Variants in TDRD3 observed in about 807,000 individuals in gnomAD.
TDRD3 encodes tudor domain containing 3, also known as tudor domain-containing protein 3.
In TDRD3, 45 loss-of-function variants were observed where a neutral mutation model predicts 86.7. That is an observed-to-expected ratio of 0.52 (90% CI 0.41 to 0.67). The LOEUF (loss-of-function observed/expected upper bound fraction) is 0.67. TDRD3 is among the 30% of genes least tolerant of loss of function. TDRD3 has a pLI of 0.00. For missense variants in TDRD3, 814 were observed against 889.0 expected, an observed-to-expected ratio of 0.92 and a Z score of 1.07; for synonymous variants, 298 against 301.7, an observed-to-expected ratio of 0.99 and a Z score of 0.13.
intron 12 of TDRD3, chr13:60,547,443 A>G (rs1957961891): frequency 1.0e-6 from 1 of 984,112 alleles, no homozygotes; most frequent in African/African-American, 1.7e-5. Context: ...GAGTCAGAAG[A>G]CCTGGGTTCG....
Position 60,452,092 on chromosome 13 carries a change from A to G in TDRD3, c.192+7344A>G, listed in dbSNP as rs960969037. ...TGATTGTAAGCTATGTTATAAAATC[A>G]CTGAACCGGGAATTAGGAAGAAATG... is the stretch of plus-strand genomic sequence containing the variant. On this transcript the variant is annotated intron_variant, in intron 3 of 13. Coordinates refer to ENST00000377881, the MANE Select transcript of TDRD3 (RefSeq NM_001146070.2). Among the ~76,000 whole-genome samples, 4 of 152,164 alleles carry G rather than the reference A, an allele frequency of 2.6e-5. No individual in the cohort carries two copies. The East Asian group carries it at 7.7e-4, about 29-fold the overall frequency.
chr13:60,449,501 C>T (rs1955485569), intron 3 of TDRD3, among the ~76,000 whole-genome samples: 1 of 152,060 alleles, frequency 6.6e-6, no homozygotes, highest in East Asian at 1.9e-4. Flanking sequence ...TCAAATGATA[C>T]ACTGGGAAAA....
At chr13:60,562,651 T>C (rs1958361625) in intron 12 of TDRD3, among the ~76,000 whole-genome samples, 1 of 152,188 alleles carries the variant, frequency 6.6e-6, no homozygotes, top group Admixed American at 6.5e-5. Context: ...GTTCAAAATA[T>C]CCTCAATTTC....
At position 60,397,232 on chromosome 13, in the gene TDRD3, C is replaced by T; in HGVS notation, c.-133C>T. ...AAGCGCCGGCCGCACTGAGCATGCC[C>T]AGTTGCAGAGCCGACCAGAGGAGTT... is the stretch of plus-strand genomic sequence containing the variant. On this transcript the variant is annotated 5_prime_UTR_variant, in exon 1 of 14. Coordinates refer to ENST00000377881, the MANE Select transcript of TDRD3 (RefSeq NM_001146070.2). The T allele has an allele frequency of 2.0e-6, 1 of 488,870 alleles. No individual in the cohort carries two copies. The highest frequency in any genetic ancestry group is 4.8e-5 in the South Asian group (1 of 20,808). The allele number at this position is 488,870 out of a possible 1,614,324, so 30.3% of individuals were successfully genotyped here. A position where few individuals can be genotyped will look rare whatever the true frequency, so the allele number is the denominator to read the frequency against.
intron 13 of TDRD3, among the ~76,000 whole-genome samples, chr13:60,568,697 T>G (rs1366389165): frequency 6.6e-6 from 1 of 152,184 alleles, no homozygotes; most frequent in Non-Finnish European, 1.5e-5. Context: ...GATGTCCATT[T>G]TTACCACTTG....
At chr13:60,547,379 C>T in intron 12 of TDRD3, 8 of 985,360 alleles carry the variant, frequency 8.1e-6, no homozygotes, top group Non-Finnish European at 9.6e-6. Context: ...AAATTACTTC[C>T]ACCTCCCTTT....
At chr13:60,415,247 A>T (rs1281397558) in intron 1 of TDRD3, among the ~76,000 whole-genome samples, 1 of 152,046 alleles carries the variant, frequency 6.6e-6, no homozygotes, top group African/African-American at 2.4e-5. Flanking sequence ...TTTCCTTTTT[A>T]GATTTGTGTT....
intron 12 of TDRD3, among the ~76,000 whole-genome samples, chr13:60,543,054 A>G (rs1368711883): frequency 6.6e-6 from 1 of 152,208 alleles, no homozygotes; most frequent in Admixed American, 6.5e-5. Flanking sequence ...ACCACTGGCA[A>G]GAGTTTTACA....
intron 10 of TDRD3, among the ~76,000 whole-genome samples, chr13:60,518,532 G>T (rs889509693): frequency 6.6e-6 from 1 of 152,018 alleles, no homozygotes; most frequent in African/African-American, 2.4e-5. Context: ...AAAAAAAACT[G>T]GTGAGTGAAA....
At chr13:60,458,000 C>T (rs532726411) in intron 3 of TDRD3, among the ~76,000 whole-genome samples, 1 of 152,218 alleles carries the variant, frequency 6.6e-6, no homozygotes, top group Admixed American at 6.5e-5. Flanking sequence ...CAAACGAGGT[C>T]ATATTTATAG....
intron 10 of TDRD3, among the ~76,000 whole-genome samples, chr13:60,526,403 G>A (rs891838582): frequency 6.6e-6 from 1 of 152,056 alleles, no homozygotes; most frequent in East Asian, 1.9e-4. Context: ...TGGAACAAAA[G>A]CCAATATATG....
intron 13 of TDRD3, among the ~76,000 whole-genome samples, chr13:60,568,890 G>A (rs1364676634): frequency 1.3e-5 from 2 of 152,148 alleles, no homozygotes; most frequent in African/African-American, 4.8e-5. Context: ...AACAAATTCA[G>A]TAAAGTTGCA....
rs149214321 is a variant in TDRD3 at position 60,546,646 on chromosome 13, A to G, written c.2118+11413A>G. On this transcript the variant is annotated intron_variant, in intron 12 of 13. Transcript: ENST00000377881. ...ATGAAATAGTCATTGAGAGAACATG[A>G]TTAAGATAGGAAAAAAGTGGTCATA... 9.2e-5 allele frequency among the ~76,000 whole-genome samples: 14 copies of G among 152,290 alleles called. No individual in the cohort carries two copies. The East Asian group carries it at 2.7e-3, about 29-fold the overall frequency.
intron 4 of TDRD3, among the ~76,000 whole-genome samples, 161 bp from the exon 5 acceptor site, chr13:60,467,077 C>T (rs528839147): frequency 6.6e-6 from 1 of 152,176 alleles, no homozygotes; most frequent in South Asian, 2.1e-4. Flanking sequence ...CCTATCAACC[C>T]ATCACCTAGC....
At chr13:60,480,127 G>T (rs1021536684) in intron 5 of TDRD3, among the ~76,000 whole-genome samples, 1 of 152,120 alleles carries the variant, frequency 6.6e-6, no homozygotes, top group African/African-American at 2.4e-5. Flanking sequence ...GTGATGACAG[G>T]TATCATTTCT....
At chr13:60,458,642 A>G (rs1955733102) in intron 3 of TDRD3, among the ~76,000 whole-genome samples, 1 of 152,230 alleles carries the variant, frequency 6.6e-6, no homozygotes, top group African/African-American at 2.4e-5. Context: ...GGCCTAGATC[A>G]TCACCAACTG....
chr13:60,397,196 C>G (rs934345526), upstream of TDRD3: 1 of 418,766 alleles, frequency 2.4e-6, no homozygotes, highest in African/African-American at 2.1e-5. Context: ...GCGAGCGGAA[C>G]CCGCACGCGG....
chr13:60,424,962 A>G (rs1439068761), intron 1 of TDRD3, among the ~76,000 whole-genome samples: 4 of 152,132 alleles, frequency 2.6e-5, no homozygotes, highest in Non-Finnish European at 5.9e-5. Context: ...TGCATGTATC[A>G]TTCCTTCACT....
chr13:60,451,220 A>C (rs1955532319), intron 3 of TDRD3, among the ~76,000 whole-genome samples: 1 of 152,210 alleles, frequency 6.6e-6, no homozygotes, highest in Non-Finnish European at 1.5e-5. Flanking sequence ...CCTCCTTTGC[A>C]GCTATGCTAG....
Sources: gnomAD v4.1 joint callset for allele counts (sites outside exome capture counted in the v4.1 genomes callset) on GRCh38, gnomAD v4.1.1 for gene constraint, MANE v1.5 for transcripts, NCBI Gene and HGNC (gene_info 2026-07-23, HGNC 2026-07-21) for gene names.